Variants in CEP83 observed in about 807,000 individuals in gnomAD.
The protein encoded by CEP83 is centrosomal protein of 83 kDa.
A neutral mutation model predicts 101.9 loss-of-function variants in CEP83; 70 were observed. The observed-to-expected ratio is 0.69, with a 90% CI of 0.57 to 0.84. The LOEUF is 0.84. Ranked by LOEUF, CEP83 falls within the 40% of genes least tolerant of loss-of-function variation. The pLI, the probability that CEP83 is intolerant of heterozygous loss-of-function variation, is 0.00. For synonymous variants in CEP83, 264 were observed against 267.9 expected (o/e 0.99, Z 0.14); for missense variants, 715 against 787.2 (o/e 0.91, Z 1.10).
At chr12:94,337,199 A>T (rs1218739302) in intron 11 of CEP83, among the ~76,000 whole-genome samples, 1 of 152,238 alleles carries the variant, frequency 6.6e-6, no homozygotes, top group African/African-American at 2.4e-5. Context: ...AGTGCCCTAC[A>T]TACAAAAGCT....
intron 11 of CEP83, 89 bp downstream of exon 11, chr12:94,367,705 T>C (rs376415004): frequency 1.2e-6 from 1 of 826,468 alleles, no homozygotes; most frequent in Non-Finnish European, 1.8e-6. Context: ...GAAGAGCACA[T>C]GGGAATTCTT....
chr12:94,441,497 T>C (rs967677977), intron 1 of CEP83, among the ~76,000 whole-genome samples: 9 of 152,152 alleles, frequency 5.9e-5, no homozygotes, highest in African/African-American at 1.9e-4. Context: ...AGAATGGCCA[T>C]AATTTAAAAA....
At chr12:94,394,907 C>A (rs56339017) in intron 6 of CEP83, among the ~76,000 whole-genome samples, 21,763 of 152,160 alleles carry the variant, frequency 0.14, 1,721 homozygotes, top group African/African-American at 0.21. Flanking sequence ...AAATGCAAAT[C>A]AAAACCACAA....
chr12:94,419,785 T>C (rs954141833), intron 2 of CEP83, among the ~76,000 whole-genome samples: 6 of 152,072 alleles, frequency 3.9e-5, no homozygotes, highest in African/African-American at 1.4e-4. Context: ...GACAACTAGA[T>C]AACCTTGTAG....
intron 14 of CEP83, among the ~76,000 whole-genome samples, chr12:94,321,441 G>A (rs1036495094): frequency 5.0e-4 from 76 of 152,184 alleles, no homozygotes; most frequent in African/African-American, 1.8e-3. Flanking sequence ...CCGACCATCT[G>A]TGTTGCTAGA....
rs56747544 is a variant in CEP83, at chr12:94,355,353, C to T, written c.1343+12441G>A. On this transcript the variant is annotated intron_variant, in intron 11 of 16. Transcript: ENST00000397809. ...CTAAAAATACAAAAAATTAGCCAGG[C>T]ATGGTGGCAGGTGCCTGTAGTCCTG... Among the ~76,000 whole-genome samples, 1,325 of 152,112 alleles carry T rather than the reference C, an allele frequency of 8.7e-3. 22 individuals carry two copies. The highest frequency in any genetic ancestry group is 0.031 in the African/African-American group (1,273 of 41,490).
At position 94,379,011 on chromosome 12, in the gene CEP83, A is replaced by T; in HGVS notation, c.581T>A (p.Leu194Gln). The T allele has an allele frequency of 6.2e-7, 1 of 1,611,508 alleles. No individual in the cohort carries two copies. The highest frequency in any genetic ancestry group is 8.5e-7 in the Non-Finnish European group (1 of 1,178,158). The change falls in exon 7 of 17, where the codon CTA becomes CAA. Residue 194 changes from leucine to glutamine, a missense_variant. Coordinates refer to ENST00000397809, the MANE Select transcript of CEP83 (RefSeq NM_016122.3). ...ATCAACATTAAGCAGCTGGTTACGT[A>T]GTTCTTCTTTATCTTCCTCCAGTCT... ...IARLEEDKEE[L>Q]RNQLLNVDLT...
At chr12:94,392,618 A>G (rs1023642731) in intron 6 of CEP83, among the ~76,000 whole-genome samples, 7 of 152,258 alleles carry the variant, frequency 4.6e-5, no homozygotes, top group Admixed American at 6.5e-5. Flanking sequence ...AAGCTAGCAG[A>G]AGGCAAGAAA....
the CEP83 span, among the ~76,000 whole-genome samples, chr12:94,286,616 C>CAAAAAAAAAAA: frequency 2.0e-5 from 2 of 101,374 alleles, no homozygotes; most frequent in Non-Finnish European, 3.8e-5. Flanking sequence ...TGCTTAAAAG[C>CAAAAAAAAAAA]AAAAAAAAAA....
At chr12:94,419,429 C>T (rs188680998) in intron 2 of CEP83, among the ~76,000 whole-genome samples, 228 of 152,172 alleles carry the variant, frequency 1.5e-3, no homozygotes, top group Middle Eastern at 0.01. Context: ...AAATTCTCCC[C>T]AATCTACAGA....
intron 6 of CEP83, among the ~76,000 whole-genome samples, chr12:94,385,638 C>T (rs922682588): frequency 4.6e-5 from 7 of 152,166 alleles, no homozygotes; most frequent in African/African-American, 1.7e-4. Context: ...ATAGAGTTCA[C>T]CAATGAACCC....
At chr12:94,436,336 AT>A (rs2065984349) in intron 1 of CEP83, among the ~76,000 whole-genome samples, 1 of 151,934 alleles carries the variant, frequency 6.6e-6, no homozygotes, top group Non-Finnish European at 1.5e-5. Context: ...AAAAAAAAAA[AT>A]AAAAAACAGG....
chr12:94,330,492 T>G (rs2059154068), intron 14 of CEP83, among the ~76,000 whole-genome samples: 1 of 152,240 alleles, frequency 6.6e-6, no homozygotes, highest in Admixed American at 6.5e-5. Context: ...TGCCCTGGAT[T>G]GTTTCCAAGA....
chr12:94,358,787 T>A (rs1036331427), intron 11 of CEP83, among the ~76,000 whole-genome samples: 5 of 152,260 alleles, frequency 3.3e-5, no homozygotes, highest in African/African-American at 1.2e-4. Context: ...CCCTTGCTTT[T>A]ATCTCTTTGC....
chr12:94,328,957 C>G (rs4761604), intron 14 of CEP83, among the ~76,000 whole-genome samples: 15,331 of 152,176 alleles, frequency 0.1, 896 homozygotes, highest in Admixed American at 0.15. Context: ...ATTATACATA[C>G]TTATATACTT....
chr12:94,287,901 C>T, the CEP83 span, among the ~76,000 whole-genome samples: 4,348 of 152,286 alleles, frequency 0.029, 82 homozygotes, highest in Middle Eastern at 0.058. Flanking sequence ...TCTTCTTTAC[C>T]GCTCCATGAG....
intron 14 of CEP83, among the ~76,000 whole-genome samples, chr12:94,325,330 G>A (rs1410857923): frequency 1.3e-5 from 2 of 152,086 alleles, no homozygotes; most frequent in Admixed American, 1.3e-4. Context: ...CCGCCACCAT[G>A]CCCGGCTAAT....
At chr12:94,439,769 G>C (rs2066261970) in intron 1 of CEP83, among the ~76,000 whole-genome samples, 1 of 152,086 alleles carries the variant, frequency 6.6e-6, no homozygotes. Context: ...TATCCCTGAT[G>C]AACATAGATG....
chr12:94,294,911 G>C, the CEP83 span, among the ~76,000 whole-genome samples: 1 of 152,054 alleles, frequency 6.6e-6, no homozygotes, highest in African/African-American at 2.4e-5. Flanking sequence ...ACAGAGCCCC[G>C]AAGCAAGCGC....
Sources: gnomAD v4.1 joint callset for allele counts (sites outside exome capture counted in the v4.1 genomes callset) on GRCh38, gnomAD v4.1.1 for gene constraint, MANE v1.5 for transcripts, NCBI Gene and HGNC (gene_info 2026-07-23, HGNC 2026-07-21) for gene names.